The following LAMA3 variants were observed in gnomAD, a reference collection of about 807,000 sequenced individuals.
LAMA3 encodes the protein laminin subunit alpha-3.
In LAMA3, 281 loss-of-function variants were observed where a neutral mutation model predicts 402.0. The observed-to-expected ratio is 0.70, with a 90% CI of 0.63 to 0.77. The LOEUF is 0.77. Among genes scored for constraint, LAMA3 ranks in the 30% least tolerant of loss-of-function variants. The probability of loss-of-function intolerance (pLI) is 0.00; values close to 1 mark genes in which losing one functional copy is unlikely to be tolerated. For synonymous variants in LAMA3, 1,431 were observed against 1,558.4 expected, an observed-to-expected ratio of 0.92 and a Z score of 1.93; for missense variants, 3,840 against 4,215.5, an observed-to-expected ratio of 0.91 and a Z score of 2.47.
At chr18:23,771,936 T>C (rs1314826299) in intron 8 of LAMA3, among the ~76,000 whole-genome samples, 3 of 152,234 alleles carry the variant, frequency 2.0e-5, no homozygotes, top group African/African-American at 7.2e-5. Context: ...TTAACTAAGA[T>C]TGAAGATTAT....
chr18:23,814,562 T>C, intron 15 of LAMA3, 60 bp downstream of exon 15: 1 of 1,082,140 alleles, frequency 9.2e-7, no homozygotes. Context: ...TTTCTCTGCC[T>C]CAGTGACTAA....
intron 12 of LAMA3, among the ~76,000 whole-genome samples, chr18:23,798,341 C>G (rs897268511): frequency 3.3e-5 from 5 of 152,168 alleles, no homozygotes; most frequent in Non-Finnish European, 7.3e-5. Context: ...CAGAACCATC[C>G]CCATTAGAGT....
intron 8 of LAMA3, among the ~76,000 whole-genome samples, chr18:23,769,556 G>A (rs2062150525): frequency 6.6e-6 from 1 of 152,076 alleles, no homozygotes; most frequent in South Asian, 2.1e-4. Context: ...ATGCAAAGAG[G>A]TACAGCTAAA....
chr18:23,946,037 A>G, intron 69 of LAMA3, 107 bp from the exon 70 acceptor site: 1 of 1,058,684 alleles, frequency 9.4e-7, no homozygotes, highest in East Asian at 2.3e-5. Flanking sequence ...AGCTATTTGA[A>G]GGAGCATGAA....
At chr18:23,904,260 G>C (rs1001122005) in intron 50 of LAMA3, among the ~76,000 whole-genome samples, 173 bp downstream of exon 50, 6 of 152,132 alleles carry the variant, frequency 3.9e-5, no homozygotes, top group Non-Finnish European at 8.8e-5. Context: ...GCAGCAATAA[G>C]GGCACTAATT....
chr18:23,847,637 C>T lies in LAMA3; in HGVS notation c.4105C>T (p.Pro1369Ser). Reference protein sequence around the residue: ...SRRGTIEAAMPECDRDSGQCR... With the variant: ...SRRGTIEAAMSECDRDSGQCR... ...GAGGGGCACCATCGAGGCTGCCATG[C>T]CGGAGTGTGACCGGGACAGCGGGCA... The change falls in exon 32 of 75, where the codon CCG becomes TCG. Residue 1369 changes from proline to serine, a missense_variant. By Grantham distance (74) the Pro-to-Ser change is moderately conservative. Around this residue, in one of 3 missense-constraint regions of LAMA3, gnomAD observed 2,109 missense variants for 2,376.0 expected, o/e 0.89. Coordinates refer to ENST00000313654, the MANE Select transcript of LAMA3 (RefSeq NM_198129.4). 6.2e-7 allele frequency: 1 copy of T among 1,613,984 alleles called. No individual in the cohort carries two copies.
At chr18:23,799,520 G>A (rs776563517) in intron 12 of LAMA3, among the ~76,000 whole-genome samples, 87 of 152,224 alleles carry the variant, frequency 5.7e-4, no homozygotes, top group Non-Finnish European at 9.4e-4. Flanking sequence ...GGGTCTTCTC[G>A]CTCCCCAGAC....
At chr18:23,870,902 T>C (rs1189618344) in intron 37 of LAMA3, among the ~76,000 whole-genome samples, 1 of 152,262 alleles carries the variant, frequency 6.6e-6, no homozygotes, top group African/African-American at 2.4e-5. Flanking sequence ...AGAGATCTGT[T>C]GTGCAATGTT....
At position 23,918,179 on chromosome 18, in the gene LAMA3, T is replaced by C. The variant is rs1450992693; in HGVS notation, c.7923+1484T>C. On this transcript the variant is annotated intron_variant, in intron 60 of 74. Coordinates refer to ENST00000313654, the MANE Select transcript of LAMA3 (RefSeq NM_198129.4). This position sits in a 1 kb window ranked among gnomAD's most constrained non-coding sequence, Gnocchi z 4.1. ...TCCCCATTGCTTGTTTTTGTTGACTTTGTCGAAGATCAGATGGTTGTAGGC... is the reference window on the plus strand; with the variant it reads ...TCCCCATTGCTTGTTTTTGTTGACTCTGTCGAAGATCAGATGGTTGTAGGC... Among the ~76,000 whole-genome samples the C allele has an allele frequency of 6.6e-6, 1 of 152,216 alleles. No homozygotes were observed. The highest frequency in any genetic ancestry group is 1.5e-5 in the Non-Finnish European group (1 of 68,040).
At chr18:23,884,992 T>C in intron 41 of LAMA3, 139 bp downstream of exon 41, 1 of 599,730 alleles carries the variant, frequency 1.7e-6, no homozygotes, top group Non-Finnish European at 3.0e-6. Context: ...TTGGGAAAAA[T>C]ACAAGACTGC....
chr18:23,752,091 A>C (rs1186270806), intron 5 of LAMA3, among the ~76,000 whole-genome samples: 1 of 152,132 alleles, frequency 6.6e-6, no homozygotes, highest in African/African-American at 2.4e-5. Flanking sequence ...CACAGTTTTG[A>C]GCATTTTCCA....
intron 11 of LAMA3, among the ~76,000 whole-genome samples, chr18:23,782,166 G>C (rs2062449892): frequency 6.6e-6 from 1 of 152,104 alleles, no homozygotes; most frequent in Non-Finnish European, 1.5e-5. Context: ...TTCCTTCCTT[G>C]GTAGGTAGGG....
At chr18:23,771,546 A>G (rs2062198724) in intron 8 of LAMA3, among the ~76,000 whole-genome samples, 1 of 152,230 alleles carries the variant, frequency 6.6e-6, no homozygotes, top group Non-Finnish European at 1.5e-5. Flanking sequence ...TTTTGCACTT[A>G]TAAGTTTTTT....
chr18:23,807,433 T>C (rs1397956073), intron 12 of LAMA3, among the ~76,000 whole-genome samples: 1 of 151,880 alleles, frequency 6.6e-6, no homozygotes, highest in Non-Finnish European at 1.5e-5. Context: ...TAGTTACCTA[T>C]GTACATATAA....
chr18:23,716,100 C>T (rs1262345806), intron 2 of LAMA3, among the ~76,000 whole-genome samples: 1 of 152,134 alleles, frequency 6.6e-6, no homozygotes, highest in Non-Finnish European at 1.5e-5. Flanking sequence ...CCTCTGATAC[C>T]TAACCACTAG....
At chr18:23,865,067 C>T in intron 36 of LAMA3, among the ~76,000 whole-genome samples, 184 bp downstream of exon 36, 1 of 152,184 alleles carries the variant, frequency 6.6e-6, no homozygotes, top group East Asian at 1.9e-4. Context: ...CTCCTCTGAC[C>T]AAATGTTGTC....
At chr18:23,707,958 G>A (rs1477340583) in intron 1 of LAMA3, among the ~76,000 whole-genome samples, 2 of 152,080 alleles carry the variant, frequency 1.3e-5, no homozygotes, top group Non-Finnish European at 2.9e-5. Context: ...TGTAGTCAAC[G>A]CTTTTTGTAT....
chr18:23,710,699 C>T (rs2060975123), intron 1 of LAMA3, among the ~76,000 whole-genome samples: 1 of 151,842 alleles, frequency 6.6e-6, no homozygotes, highest in African/African-American at 2.4e-5. Flanking sequence ...ACTGAAAGTT[C>T]AGGAGTAAAA....
chr18:23,813,065 A>G lies in LAMA3; in HGVS notation c.1750A>G (p.Ser584Gly). The change falls in exon 14 of 75, where the codon AGT (serine) becomes GGT (glycine). Residue 584 changes from serine (S) to glycine (G), a missense_variant. Around this residue, in one of 3 missense-constraint regions of LAMA3, gnomAD observed 2,109 missense variants for 2,376.0 expected, o/e 0.89. Coordinates refer to ENST00000313654, the MANE Select transcript of LAMA3 (RefSeq NM_198129.4). ...TTCTGAATCATATTCAGGTTCCAGC[A>G]GTGCTTGTGACCCAGCTGGTACCAT... ...YDFPHCQGSS[S>G]ACDPAGTINS... The G allele has an allele frequency of 6.2e-7, 1 of 1,607,970 alleles. No individual in the cohort carries two copies. The highest frequency in any genetic ancestry group is 8.5e-7 in the Non-Finnish European group (1 of 1,174,402).
Sources: allele counts gnomAD v4.1 joint callset (sites outside exome capture counted in the v4.1 genomes callset), GRCh38; gene constraint gnomAD v4.1.1; regional missense constraint gnomAD v4.1.1; non-coding constraint Gnocchi (gnomAD v3.1); transcripts MANE v1.5; gene names NCBI Gene and HGNC (gene_info 2026-07-23, HGNC 2026-07-21).